The following TENM2 variants were observed in gnomAD, a reference collection of about 807,000 sequenced individuals.
TENM2 encodes the protein teneurin-2.
Under a neutral mutation model 245.2 loss-of-function variants are expected in TENM2, and 52 were observed. That is an observed-to-expected ratio of 0.21 (90% confidence interval 0.17 to 0.27). TENM2 has a LOEUF of 0.27. Among genes scored for constraint, TENM2 ranks in the 10% least tolerant of loss-of-function variants. TENM2 has a pLI of 1.00. For missense variants in TENM2, 3,046 were observed against 3,666.8 expected, an observed-to-expected ratio of 0.83 and a Z score of 4.37; for synonymous variants, 1,363 against 1,438.9, an observed-to-expected ratio of 0.95 and a Z score of 1.19.
At chr5:167,203,858 G>A in the TENM2 span, among the ~76,000 whole-genome samples, 1 of 151,620 alleles carries the variant, frequency 6.6e-6, no homozygotes, top group Non-Finnish European at 1.5e-5. Flanking sequence ...CGAAAAAAAA[G>A]GAAGACAAAA....
exon 21 of TENM2, chr5:168,215,155 G>C (rs1038423862): frequency 6.2e-7 from 1 of 1,613,800 alleles, no homozygotes; most frequent in Non-Finnish European, 8.5e-7. Flanking sequence ...TGGAACCAAA[G>C]ACCTGGCTGG....
chr5:168,178,767 C>T (rs2152485751), intron 13 of TENM2, among the ~76,000 whole-genome samples: 1 of 152,316 alleles, frequency 6.6e-6, no homozygotes. Flanking sequence ...GTGACTGCTT[C>T]CAGCCCCCTG....
chr5:167,710,637 A>C (rs1758848150), intron 2 of TENM2, among the ~76,000 whole-genome samples: 2 of 152,196 alleles, frequency 1.3e-5, no homozygotes, highest in Admixed American at 1.3e-4. Flanking sequence ...TAAATTAGGA[A>C]GTAAAACTAG....
At chr5:167,068,141 G>A in the TENM2 span, among the ~76,000 whole-genome samples, 1 of 152,160 alleles carries the variant, frequency 6.6e-6, no homozygotes, top group Non-Finnish European at 1.5e-5. Flanking sequence ...GAATTTAACA[G>A]CATCACCGTT....
chr5:167,007,708 ATATAGTGCTCAACCC>A, the TENM2 span, among the ~76,000 whole-genome samples: 1 of 152,170 alleles, frequency 6.6e-6, no homozygotes, highest in Non-Finnish European at 1.5e-5. This position sits in a 1 kb window ranked among gnomAD's most constrained non-coding sequence, Gnocchi z 4.2. Context: ...CTCCACTTGT[ATATAGTGCTCAACCC>A]TATAGCTAAA....
chr5:167,751,535 GAGAA>G (rs889169947), intron 2 of TENM2, among the ~76,000 whole-genome samples: 1 of 152,162 alleles, frequency 6.6e-6, no homozygotes, highest in African/African-American at 2.4e-5. Context: ...AAGATAAAGT[GAGAA>G]AGAGAGAGGT....
At chr5:167,269,639 A>G in the TENM2 span, among the ~76,000 whole-genome samples, 1 of 152,036 alleles carries the variant, frequency 6.6e-6, no homozygotes, top group African/African-American at 2.4e-5. Context: ...GATGGAGTAA[A>G]AAAGGATTTA....
the TENM2 span, among the ~76,000 whole-genome samples, chr5:167,244,684 G>C: frequency 6.6e-6 from 1 of 152,300 alleles, no homozygotes; most frequent in African/African-American, 2.4e-5. Context: ...TGGATAAAAC[G>C]TTAGTCACTG....
chr5:167,355,339 C>T (rs1362179461), intron 1 of TENM2, among the ~76,000 whole-genome samples: 2 of 147,748 alleles, frequency 1.4e-5, no homozygotes, highest in Non-Finnish European at 3.0e-5. Flanking sequence ...GATGGATAGA[C>T]TTTCTGAAAG....
intron 2 of TENM2, among the ~76,000 whole-genome samples, chr5:167,449,180 C>A (rs1765408128): frequency 1.3e-5 from 2 of 152,108 alleles, no homozygotes; most frequent in Non-Finnish European, 2.9e-5. Context: ...GCTGCTTTTC[C>A]TGCGGTACTT....
chr5:168,207,865 C>G (rs185457032), intron 19 of TENM2, among the ~76,000 whole-genome samples: 1 of 152,284 alleles, frequency 6.6e-6, no homozygotes, highest in African/African-American at 2.4e-5. Flanking sequence ...GGGACAAGTT[C>G]TATACACTTA....
intron 3 of TENM2, among the ~76,000 whole-genome samples, chr5:167,906,194 T>A (rs570184336): frequency 1.3e-4 from 20 of 152,102 alleles, no homozygotes; most frequent in African/African-American, 4.1e-4. Flanking sequence ...TTAAAAAAAA[T>A]AAAATAAAAT....
At chr5:167,034,325 T>A in the TENM2 span, among the ~76,000 whole-genome samples, 2 of 151,262 alleles carry the variant, frequency 1.3e-5, no homozygotes, top group African/African-American at 4.9e-5. Flanking sequence ...AAGAGAAAAA[T>A]AGGTGTACAT....
intron 9 of TENM2, among the ~76,000 whole-genome samples, chr5:168,110,946 A>G (rs1794627269): frequency 6.6e-6 from 1 of 152,204 alleles, no homozygotes; most frequent in Non-Finnish European, 1.5e-5. Context: ...GTCTCTTGCG[A>G]TCTTCGTTAA....
chr5:167,885,644 CA>C (rs1561896528), intron 3 of TENM2, among the ~76,000 whole-genome samples: 1 of 152,116 alleles, frequency 6.6e-6, no homozygotes, highest in Admixed American at 6.5e-5. Flanking sequence ...AACAAAAATA[CA>C]AAACACCCTT....
intron 1 of TENM2, among the ~76,000 whole-genome samples, chr5:167,313,204 G>A (rs1756143564): frequency 6.6e-6 from 1 of 152,060 alleles, no homozygotes; most frequent in South Asian, 2.1e-4. Context: ...TGCCCAGCCT[G>A]ACCTTGACTC....
chr5:167,642,685 T>C (rs151023675), intron 2 of TENM2, among the ~76,000 whole-genome samples: 2 of 152,344 alleles, frequency 1.3e-5, no homozygotes, highest in East Asian at 3.9e-4. Flanking sequence ...AAAAGTGTAG[T>C]AGAATTGTAA....
intron 3 of TENM2, among the ~76,000 whole-genome samples, chr5:167,920,419 G>A (rs1355037928): frequency 6.6e-6 from 1 of 151,352 alleles, no homozygotes; most frequent in African/African-American, 2.4e-5. Context: ...TCAGGAGACT[G>A]AGGCAGGAGA....
chr5:167,027,310 A>C, the TENM2 span, among the ~76,000 whole-genome samples: 1 of 152,202 alleles, frequency 6.6e-6, no homozygotes, highest in African/African-American at 2.4e-5. Context: ...TTTCTCATTT[A>C]ATGCTTTAGG....
Sources: gnomAD v4.1 joint callset for allele counts (sites outside exome capture counted in the v4.1 genomes callset) on GRCh38, gnomAD v4.1.1 for gene constraint, Gnocchi (gnomAD v3.1) non-coding constraint, MANE v1.5 for transcripts, NCBI Gene and HGNC (gene_info 2026-07-23, HGNC 2026-07-21) for gene names.